LUZP4: variants seen among roughly 807,000 people sequenced by gnomAD.
LUZP4 encodes leucine zipper protein 4.
A neutral mutation model predicts 8.5 loss-of-function variants in LUZP4; 11 were observed. The ratio of observed to expected loss-of-function variants is 1.30; its 90% CI spans 0.82 to 2.14. The LOEUF is 2.14. Among genes scored for constraint, LUZP4 ranks in the 30% most tolerant of loss-of-function variants. The pLI, the probability that LUZP4 is intolerant of heterozygous loss-of-function variation, is 0.00. For synonymous variants in LUZP4, 104 were observed against 79.4 expected, an observed-to-expected ratio of 1.31 and a Z score of -1.65; for missense variants, 276 against 229.7, an observed-to-expected ratio of 1.20 and a Z score of -1.30.
chrX:115,307,168 G>C lies in LUZP4; in HGVS notation c.*364G>C, dbSNP rs1352383068. ...GCCCCTTGGACATTCCAACCTGGTAGGTAAGCTAATCTAACAACTAACTGC... is the reference window on the plus strand; with the variant it reads ...GCCCCTTGGACATTCCAACCTGGTACGTAAGCTAATCTAACAACTAACTGC... On this transcript the variant is annotated 3_prime_UTR_variant, in exon 4 of 4. Coordinates refer to ENST00000371920, the MANE Select transcript of LUZP4 (RefSeq NM_016383.5). 2.3e-5 allele frequency: 4 copies of C among 175,834 alleles called. No homozygotes were observed. The highest frequency in any genetic ancestry group is 3.0e-4 in the South Asian group (2 of 6,586). The allele number at this position is 175,834 out of a possible 1,213,427, so 14.5% of individuals were successfully genotyped here. A position where few individuals can be genotyped will look rare whatever the true frequency, so the allele number is the denominator to read the frequency against.
At chrX:115,290,590 C>T (rs924070156) in intron 1 of LUZP4, among the ~76,000 whole-genome samples, 1 of 111,484 alleles carries the variant, frequency 9.0e-6, no homozygotes, top group Non-Finnish European at 1.9e-5. Flanking sequence ...GGACCAGTTC[C>T]TCTGCTATTA....
In LUZP4 at chrX:115,289,756, G is replaced by T; in HGVS notation, c.-4G>T. The T allele has an allele frequency of 8.3e-7, 1 of 1,201,015 alleles. No homozygotes were observed. The highest frequency in any genetic ancestry group is 1.1e-6 in the Non-Finnish European group (1 of 886,337). ...GGAGTGTGTGGCGCCATGATGCAGG[G>T]AAGATGGCTTCGTTTCGGAAGCTAA... On this transcript the variant is annotated 5_prime_UTR_variant, in exon 1 of 4. Transcript: ENST00000371920.
intron 2 of LUZP4, among the ~76,000 whole-genome samples, chrX:115,302,801 G>A (rs1336009806): frequency 1.8e-5 from 2 of 112,386 alleles, no homozygotes; most frequent in African/African-American, 3.2e-5. Flanking sequence ...TATTACAGGG[G>A]CAGAGCAGCC....
intron 1 of LUZP4, among the ~76,000 whole-genome samples, chrX:115,298,956 A>G (rs1355366000): frequency 6.3e-5 from 7 of 111,108 alleles, no homozygotes. Context: ...AAGGCTTTCC[A>G]GATATTTGAA....
rs2073424489 is a variant in LUZP4, at chrX:115,306,691, CAGAGAGATCTCGTGGCCACTG to C, written c.841_861del (p.Val281_Leu287del). The C allele has an allele frequency of 8.3e-7, 1 of 1,208,740 alleles. No individual in the cohort carries two copies. Among genetic ancestry groups the C allele is most frequent in the Admixed American group, 2.2e-5 (1 of 45,580 alleles). On this transcript the variant is annotated inframe_deletion, in exon 4 of 4. Coordinates refer to ENST00000371920, the MANE Select transcript of LUZP4 (RefSeq NM_016383.5). The stretch of plus-strand genomic sequence containing the variant: ...CACTCAGAGAGATCTCATAGTCACT[CAGAGAGATCTCGTGGCCACTG>C]AGAGAGATCTCATAAATCAGTCAGG...
intron 1 of LUZP4, among the ~76,000 whole-genome samples, chrX:115,292,957 C>T (rs1240116277): frequency 9.0e-6 from 1 of 111,018 alleles, no homozygotes; most frequent in Non-Finnish European, 1.9e-5. Context: ...CTACTTCCCC[C>T]TACCCCAACT....
chrX:115,297,893 C>T (rs1384767466), intron 1 of LUZP4, among the ~76,000 whole-genome samples: 3 of 109,302 alleles, frequency 2.7e-5, no homozygotes, highest in Non-Finnish European at 5.7e-5. Flanking sequence ...ACTGCAACCT[C>T]TGCCTCCCAG....
At chrX:115,293,313 C>T (rs1194909994) in intron 1 of LUZP4, among the ~76,000 whole-genome samples, 7 of 109,081 alleles carry the variant, frequency 6.4e-5, no homozygotes, top group African/African-American at 2.3e-4. Context: ...GGATCTCACT[C>T]TGTCACCCAG....
chrX:115,302,473 G>A (rs2073401994), intron 2 of LUZP4, among the ~76,000 whole-genome samples: 1 of 111,989 alleles, frequency 8.9e-6, no homozygotes, highest in Non-Finnish European at 1.9e-5. Flanking sequence ...TCAATAATCT[G>A]AACACTATGG....
rs978192127 is a variant in LUZP4, at chrX:115,289,730, C to T, written c.-30C>T. 10 of 1,115,011 alleles carry T rather than the reference C, an allele frequency of 9.0e-6. No individual in the cohort carries two copies. The African/African-American group carries it at 1.3e-4, about 14-fold the overall frequency. 91.9% of individuals were successfully genotyped at this position (1,115,011 alleles called of 1,213,427 possible). A position where few individuals can be genotyped will look rare whatever the true frequency, so the allele number is the denominator to read the frequency against. ...AGGGGGTGGTACACGCGCCCTACCT[C>T]GGAGTGTGTGGCGCCATGATGCAGG... On this transcript the variant is annotated 5_prime_UTR_variant, in exon 1 of 4. Coordinates refer to ENST00000371920, the MANE Select transcript of LUZP4 (RefSeq NM_016383.5).
intron 1 of LUZP4, among the ~76,000 whole-genome samples, chrX:115,293,223 C>T (rs141469750): frequency 2.9e-3 from 317 of 111,125 alleles, no homozygotes; most frequent in Non-Finnish European, 4.9e-3. Context: ...GACCTAAGAA[C>T]TAGAGTGAAA....
intron 1 of LUZP4, among the ~76,000 whole-genome samples, chrX:115,290,132 T>C (rs1422217321): frequency 9.0e-6 from 1 of 111,104 alleles, no homozygotes; most frequent in Non-Finnish European, 1.9e-5. Flanking sequence ...TAAGGATTGC[T>C]GAAAGGGGCA....
chrX:115,297,827 T>C (rs889761600), intron 1 of LUZP4, among the ~76,000 whole-genome samples: 1 of 110,322 alleles, frequency 9.1e-6, no homozygotes, highest in Non-Finnish European at 1.9e-5. Flanking sequence ...TTTTTTTTCT[T>C]TGACAGAGTG....
At position 115,306,963 on chromosome X, in the gene LUZP4, T is replaced by A; in HGVS notation, c.*159T>A. The A allele has an allele frequency of 1.9e-6, 1 of 530,208 alleles. No individual in the cohort carries two copies. Among genetic ancestry groups the A allele is most frequent in the Non-Finnish European group, 3.0e-6 (1 of 330,677 alleles). 43.7% of individuals were successfully genotyped at this position (530,208 alleles called of 1,213,427 possible). ...TAGTATCAATATTGTTTCAACTTGA[T>A]GTCCTCTAAGCTATCATCCAGTTAC... On this transcript the variant is annotated 3_prime_UTR_variant, in exon 4 of 4. Transcript: ENST00000371920.
At chrX:115,290,958 T>G (rs1257921290) in intron 1 of LUZP4, among the ~76,000 whole-genome samples, 1 of 110,894 alleles carries the variant, frequency 9.0e-6, no homozygotes, top group African/African-American at 3.3e-5. Flanking sequence ...AGGTTTTTGT[T>G]TTTTTGTTTT....
rs782704713 is a variant in LUZP4 at position 115,289,764 on chromosome X, C to G, written c.5C>G (p.Ala2Gly). M[A>G]SFRKLTLSEK... ...TGGCGCCATGATGCAGGGAAGATGG[C>G]TTCGTTTCGGAAGCTAACGCTTTCT... is the stretch of plus-strand genomic sequence containing the variant. Residue 2 changes from alanine to glycine, a missense_variant, in exon 1 of 4, where the codon GCT becomes GGT. Coordinates refer to ENST00000371920, the MANE Select transcript of LUZP4 (RefSeq NM_016383.5). 1 of 1,206,439 alleles carries G rather than the reference C, an allele frequency of 8.3e-7. No individual in the cohort carries two copies. The highest frequency in any genetic ancestry group is 1.8e-5 in the South Asian group (1 of 56,828).
chrX:115,297,230 G>T (rs1556599425), intron 1 of LUZP4, among the ~76,000 whole-genome samples: 1 of 111,833 alleles, frequency 8.9e-6, no homozygotes, highest in African/African-American at 3.2e-5. Context: ...GTATTGAAAA[G>T]TTGTTGTAGT....
chrX:115,293,963 TAAAAAAAGATTG>T (rs2073360073), intron 1 of LUZP4, among the ~76,000 whole-genome samples: 1 of 109,039 alleles, frequency 9.2e-6, no homozygotes, highest in Non-Finnish European at 1.9e-5. Context: ...AAAAAAAAAA[TAAAAAAAGATTG>T]AAAAAAAGAA....
At chrX:115,292,149 T>C (rs1556597084) in intron 1 of LUZP4, among the ~76,000 whole-genome samples, 3 of 112,463 alleles carry the variant, frequency 2.7e-5, no homozygotes, top group African/African-American at 9.7e-5. Flanking sequence ...ATACAATTTA[T>C]CTGTTTTTTG....
Sources: allele counts gnomAD v4.1 joint callset (sites outside exome capture counted in the v4.1 genomes callset), GRCh38; gene constraint gnomAD v4.1.1; transcripts MANE v1.5; gene names NCBI Gene and HGNC (gene_info 2026-07-23, HGNC 2026-07-21).